Variants in ETV2 observed in about 807,000 individuals in gnomAD.
The protein encoded by ETV2 is ETS translocation variant 2.
A neutral mutation model predicts 35.7 loss-of-function variants in ETV2; 34 were observed. The ratio of observed to expected loss-of-function variants is 0.95; its 90% CI spans 0.72 to 1.27. ETV2 has a LOEUF of 1.27. Among genes scored for constraint, ETV2 ranks in the 50% most tolerant of loss-of-function variants. The pLI is 0.00. For synonymous variants in ETV2, 207 were observed against 203.9 expected (o/e 1.02, Z -0.13); for missense variants, 512 against 470.5 (o/e 1.09, Z -0.82).
In ETV2 at chr19:35,643,083, G is replaced by A; in HGVS notation, c.235+38G>A. 7.0e-7 allele frequency: 1 copy of A among 1,431,370 alleles called. No homozygotes were observed. Among genetic ancestry groups the A allele is most frequent in the South Asian group, 1.2e-5 (1 of 81,190 alleles). The allele number at this position is 1,431,370 out of a possible 1,614,324, so 88.7% of individuals were successfully genotyped here. ...AGAGGCGGTGGGAGGTGGGGACTGGGGTCCCGAGGCACCGGGGCTAGAGGT... is the reference window on the plus strand; with the variant it reads ...AGAGGCGGTGGGAGGTGGGGACTGGAGTCCCGAGGCACCGGGGCTAGAGGT... On this transcript the variant is annotated intron_variant, in intron 4 of 6. Transcript: ENST00000402764. This position sits in a 1 kb window ranked among gnomAD's most constrained non-coding sequence, Gnocchi z 5.0.
chr19:35,644,601 A>G lies in ETV2; in HGVS notation c.829-51A>G. ...GCCCCCAGGCCCGGCCCTCCCCACT[A>G]TCGCCAAGCCCCGCCCCTTCCCACT... is the stretch of plus-strand genomic sequence containing the variant. On this transcript the variant is annotated intron_variant, in intron 6 of 6. Transcript: ENST00000402764. The surrounding 1 kb of genome is among the most constrained non-coding windows in gnomAD (Gnocchi z 4.7). 2 of 1,532,968 alleles carry G rather than the reference A, an allele frequency of 1.3e-6. No homozygotes were observed. The highest frequency in any genetic ancestry group is 1.2e-5 in the South Asian group (1 of 80,978). The allele number at this position is 1,532,968 out of a possible 1,614,324, so 95.0% of individuals were successfully genotyped here.
rs1381281587 is a variant in ETV2, at chr19:35,643,097, G to A, written c.235+52G>A. On this transcript the variant is annotated intron_variant, in intron 4 of 6. Coordinates refer to ENST00000402764, the MANE Select transcript of ETV2 (RefSeq NM_014209.4). This position sits in a 1 kb window ranked among gnomAD's most constrained non-coding sequence, Gnocchi z 5.0. ...GTGGGGACTGGGGTCCCGAGGCACC[G>A]GGGCTAGAGGTGTAGACTCCCTGAT... 7 of 1,391,868 alleles carry A rather than the reference G, an allele frequency of 5.0e-6. No homozygotes were observed. The highest frequency in any genetic ancestry group is 2.5e-5 in the East Asian group (1 of 40,304). The allele number at this position is 1,391,868 out of a possible 1,614,324, so 86.2% of individuals were successfully genotyped here. A position where few individuals can be genotyped will look rare whatever the true frequency, so the allele number is the denominator to read the frequency against.
Position 35,644,836 on chromosome 19 carries a change from G to A in ETV2, c.1013G>A (p.Gly338Glu), listed in dbSNP as rs1351263076. The A allele has an allele frequency of 1.9e-6, 3 of 1,605,168 alleles. No homozygotes were observed. The highest frequency in any genetic ancestry group is 8.5e-7 in the Non-Finnish European group (1 of 1,176,032). The change falls in exon 7 of 7, where the codon GGA becomes GAA. Residue 338 changes from glycine (G) to glutamate (E), a missense_variant. Transcript: ENST00000402764. This position sits in a 1 kb window ranked among gnomAD's most constrained non-coding sequence, Gnocchi z 4.7. ...AYPDCAGGGR[G>E]AETQ Reference sequence around the variant, plus strand: ...CCGGACTGTGCGGGAGGCGGACGGGGAGCAGAGACACAATAAAAATTCCCG... The same window carrying A: ...CCGGACTGTGCGGGAGGCGGACGGGAAGCAGAGACACAATAAAAATTCCCG...
In ETV2 at chr19:35,643,857, G is replaced by A; in HGVS notation, c.715+104G>A. On this transcript the variant is annotated intron_variant, in intron 5 of 6. Transcript: ENST00000402764. This position sits in a 1 kb window ranked among gnomAD's most constrained non-coding sequence, Gnocchi z 5.0. ...CCGGGAGACTGACAGTGAGGGGGCGGGGGCTTAGGGACCAGGGGCTCGAAG... is the reference window on the plus strand; with the variant it reads ...CCGGGAGACTGACAGTGAGGGGGCGAGGGCTTAGGGACCAGGGGCTCGAAG... 2.0e-6 allele frequency: 3 copies of A among 1,515,200 alleles called. No homozygotes were observed. The highest frequency in any genetic ancestry group is 2.7e-6 in the Non-Finnish European group (3 of 1,119,158). 93.9% of individuals were successfully genotyped at this position (1,515,200 alleles called of 1,614,324 possible).
chr19:35,644,366 C>A lies in ETV2; in HGVS notation c.828+19C>A. ...CAAAGAGGTGGGGCAGCTCCCCTGC[C>A]CAGCCAAATCCGCCCCGTCTCTTCT... On this transcript the variant is annotated intron_variant, in intron 6 of 6. Transcript: ENST00000402764. The surrounding 1 kb of genome is among the most constrained non-coding windows in gnomAD (Gnocchi z 4.7). The A allele has an allele frequency of 7.3e-7, 1 of 1,361,556 alleles. No homozygotes were observed. The highest frequency in any genetic ancestry group is 9.7e-7 in the Non-Finnish European group (1 of 1,026,980). 84.3% of individuals were successfully genotyped at this position (1,361,556 alleles called of 1,614,324 possible). A position where few individuals can be genotyped will look rare whatever the true frequency, so the allele number is the denominator to read the frequency against.
In ETV2 at chr19:35,642,541, G is replaced by C; in HGVS notation, c.70+11G>C. The stretch of plus-strand genomic sequence containing the variant: ...AGCTGGCAGGGCTTGGTAGGCTGCC[G>C]AGGCTGCCACAACGTGTGTGGGGAG... On this transcript the variant is annotated intron_variant, in intron 2 of 6. Transcript: ENST00000402764. This position sits in a 1 kb window ranked among gnomAD's most constrained non-coding sequence, Gnocchi z 4.4. The C allele has an allele frequency of 6.2e-7, 1 of 1,612,698 alleles. No homozygotes were observed. The highest frequency in any genetic ancestry group is 8.5e-7 in the Non-Finnish European group (1 of 1,179,660).
In ETV2 at chr19:35,643,574, C is replaced by T; in HGVS notation, c.536C>T (p.Thr179Ile). 2 of 1,580,456 alleles carry T rather than the reference C, an allele frequency of 1.3e-6. No individual in the cohort carries two copies. Among genetic ancestry groups the T allele is most frequent in the Non-Finnish European group, 1.7e-6 (2 of 1,163,806 alleles). ...GGCGGGGAGCCGCGCACGGACTGTA[C>T]CATTTCGTGGGGCGGGCCCGCGGGC... is the stretch of plus-strand genomic sequence containing the variant. ...GLGGEPRTDC[T>I]ISWGGPAGPD... Residue 179 changes from threonine (T) to isoleucine (I), a missense_variant, in exon 5 of 7, where the codon ACC becomes ATC. Physicochemically the swap from Thr to Ile is moderately conservative, Grantham distance 89. Coordinates refer to ENST00000402764, the MANE Select transcript of ETV2 (RefSeq NM_014209.4). The surrounding 1 kb of genome is among the most constrained non-coding windows in gnomAD (Gnocchi z 5.0).
chr19:35,643,532 A>T lies in ETV2; in HGVS notation c.494A>T (p.Tyr165Phe). The change falls in exon 5 of 7, where the codon TAC becomes TTC. Residue 165 changes from tyrosine (Y) to phenylalanine (F), a missense_variant. Tyr to Phe is a conservative substitution (Grantham distance 22). Coordinates refer to ENST00000402764, the MANE Select transcript of ETV2 (RefSeq NM_014209.4). This position sits in a 1 kb window ranked among gnomAD's most constrained non-coding sequence, Gnocchi z 5.0. ...TCTGTGGGGCCCGACGGCGATACCT[A>T]CTGGGGCAGTGGCCTGGGCGGGGAG... ...DCSVGPDGDTYWGSGLGGEPR... is the reference protein window; with the variant it reads ...DCSVGPDGDTFWGSGLGGEPR... 6.4e-7 allele frequency: 1 copy of T among 1,551,568 alleles called. No homozygotes were observed. The highest frequency in any genetic ancestry group is 8.7e-7 in the Non-Finnish European group (1 of 1,147,446).
In ETV2 at chr19:35,644,500, C is replaced by T; in HGVS notation, c.829-152C>T. The T allele has an allele frequency of 2.2e-6, 2 of 919,588 alleles. No individual in the cohort carries two copies. The highest frequency in any genetic ancestry group is 2.6e-5 in the East Asian group (1 of 37,946). The allele number at this position is 919,588 out of a possible 1,614,324, so 57.0% of individuals were successfully genotyped here. On this transcript the variant is annotated intron_variant, in intron 6 of 6. Transcript: ENST00000402764. This position sits in a 1 kb window ranked among gnomAD's most constrained non-coding sequence, Gnocchi z 4.7. ...CCAACCCTTCTCAAACCCAATCTCC[C>T]GCCTGTACTCCTGCCTCAACCAACC...
chr19:35,644,690 C>A lies in ETV2; in HGVS notation c.867C>A (p.Gly289=). ...GGGGCGAGCGCAAGAGAAAGCCGGG[C>A]ATGAATTACGAGAAGCTGAGCCGGG... ...RLWGERKRKP[G]MNYEKLSRGL... The change falls in exon 7 of 7, where the codon GGC becomes GGA. Residue 289 remains glycine, a synonymous_variant. Coordinates refer to ENST00000402764, the MANE Select transcript of ETV2 (RefSeq NM_014209.4). The surrounding 1 kb of genome is among the most constrained non-coding windows in gnomAD (Gnocchi z 4.7). 1 of 1,603,460 alleles carries A rather than the reference C, an allele frequency of 6.2e-7. No individual in the cohort carries two copies. The highest frequency in any genetic ancestry group is 8.5e-7 in the Non-Finnish European group (1 of 1,174,222).
Position 35,643,816 on chromosome 19 carries a change from C to T in ETV2, c.715+63C>T. On this transcript the variant is annotated intron_variant, in intron 5 of 6. Transcript: ENST00000402764. This position sits in a 1 kb window ranked among gnomAD's most constrained non-coding sequence, Gnocchi z 5.0. ...GGAGTCCTGAGCCGGGACCCAGGCA[C>T]CTAAGGGGGCGGGGCCCGGGAGACT... The T allele has an allele frequency of 1.9e-6, 3 of 1,601,132 alleles. No homozygotes were observed. Among genetic ancestry groups the T allele is most frequent in the Non-Finnish European group, 2.5e-6 (3 of 1,176,578 alleles).
In ETV2 at chr19:35,643,550, G is replaced by A. The variant is rs780451345; in HGVS notation, c.512G>A (p.Gly171Asp). The A allele has an allele frequency of 1.1e-5, 17 of 1,556,362 alleles. No homozygotes were observed. The Admixed American group carries it at 3.1e-4, about 29-fold the overall frequency. ...GATACCTACTGGGGCAGTGGCCTGG[G>A]CGGGGAGCCGCGCACGGACTGTACC... ...DGDTYWGSGL[G>D]GEPRTDCTIS... The change falls in exon 5 of 7, where the codon GGC becomes GAC. Residue 171 changes from glycine to aspartate, a missense_variant. Gly to Asp is a moderately conservative substitution (Grantham distance 94). Transcript: ENST00000402764. The surrounding 1 kb of genome is among the most constrained non-coding windows in gnomAD (Gnocchi z 5.0).
In ETV2 at chr19:35,644,382, C is replaced by A; in HGVS notation, c.828+35C>A. The A allele has an allele frequency of 7.5e-7, 1 of 1,340,422 alleles. No homozygotes were observed. Among genetic ancestry groups the A allele is most frequent in the Non-Finnish European group, 1.0e-6 (1 of 956,468 alleles). 83.0% of individuals were successfully genotyped at this position (1,340,422 alleles called of 1,614,324 possible). A position where few individuals can be genotyped will look rare whatever the true frequency, so the allele number is the denominator to read the frequency against. ...CTCCCCTGCCCAGCCAAATCCGCCC[C>A]GTCTCTTCTAGTTCAATTTAGCTCC... On this transcript the variant is annotated intron_variant, in intron 6 of 6. Coordinates refer to ENST00000402764, the MANE Select transcript of ETV2 (RefSeq NM_014209.4). The surrounding 1 kb of genome is among the most constrained non-coding windows in gnomAD (Gnocchi z 4.7).
Position 35,644,843 on chromosome 19 carries a change from G to A in ETV2, c.1020G>A (p.Glu340=). 6.2e-7 allele frequency: 1 copy of A among 1,601,428 alleles called. No homozygotes were observed. The highest frequency in any genetic ancestry group is 8.5e-7 in the Non-Finnish European group (1 of 1,174,182). The change falls in exon 7 of 7, where the codon GAG becomes GAA. Residue 340 remains glutamate, a synonymous_variant. Coordinates refer to ENST00000402764, the MANE Select transcript of ETV2 (RefSeq NM_014209.4). This position sits in a 1 kb window ranked among gnomAD's most constrained non-coding sequence, Gnocchi z 4.7. ...PDCAGGGRGA[E]TQ ...GTGCGGGAGGCGGACGGGGAGCAGA[G>A]ACACAATAAAAATTCCCGGTCAAAC...
chr19:35,642,902 A>C lies in ETV2; in HGVS notation c.155-63A>C. On this transcript the variant is annotated intron_variant, in intron 3 of 6. Transcript: ENST00000402764. The surrounding 1 kb of genome is among the most constrained non-coding windows in gnomAD (Gnocchi z 4.4). ...CCATAACTCCCAGTCCCTGACAAGT[A>C]GAGACTAGAGAGTGGGTAGTTGAGG... 2.8e-6 allele frequency: 3 copies of C among 1,072,722 alleles called. No individual in the cohort carries two copies. The highest frequency in any genetic ancestry group is 4.2e-6 in the Non-Finnish European group (3 of 712,116). The allele number at this position is 1,072,722 out of a possible 1,614,324, so 66.5% of individuals were successfully genotyped here.
rs556476891 is a variant in ETV2, at chr19:35,644,066, C to T, written c.716-169C>T. On this transcript the variant is annotated intron_variant, in intron 5 of 6. Coordinates refer to ENST00000402764, the MANE Select transcript of ETV2 (RefSeq NM_014209.4). This position sits in a 1 kb window ranked among gnomAD's most constrained non-coding sequence, Gnocchi z 4.7. ...AACTCCTAAATCTCTGAGACTGGGGCCCTGGACGCTTGAGTCTCCAAGGCT... is the reference window on the plus strand; with the variant it reads ...AACTCCTAAATCTCTGAGACTGGGGTCCTGGACGCTTGAGTCTCCAAGGCT... 6.6e-6 allele frequency among the ~76,000 whole-genome samples: 1 copy of T among 152,218 alleles called. No homozygotes were observed. The highest frequency in any genetic ancestry group is 2.4e-5 in the African/African-American group (1 of 41,550).
chr19:35,644,112 G>C lies in ETV2; in HGVS notation c.716-123G>C, dbSNP rs1488172749. 5.5e-6 allele frequency: 4 copies of C among 726,996 alleles called. No homozygotes were observed. Among genetic ancestry groups the C allele is most frequent in the Admixed American group, 2.0e-5 (1 of 48,976 alleles). The allele number at this position is 726,996 out of a possible 1,614,324, so 45.0% of individuals were successfully genotyped here. The stretch of plus-strand genomic sequence containing the variant: ...AGGCTGACTGTTGGATCTCAGAGAA[G>C]GGGGGGCGGATCCCCTTCTCGGGTC... On this transcript the variant is annotated intron_variant, in intron 5 of 6. Coordinates refer to ENST00000402764, the MANE Select transcript of ETV2 (RefSeq NM_014209.4). The surrounding 1 kb of genome is among the most constrained non-coding windows in gnomAD (Gnocchi z 4.7).
chr19:35,644,705 G>A lies in ETV2; in HGVS notation c.882G>A (p.Lys294=). ...GAAAGCCGGGCATGAATTACGAGAA[G>A]CTGAGCCGGGGCCTTCGCTACTACT... ...RKRKPGMNYE[K]LSRGLRYYYR... Residue 294 remains lysine (K), a synonymous_variant, in exon 7 of 7, where the codon AAG becomes AAA. Transcript: ENST00000402764. This position sits in a 1 kb window ranked among gnomAD's most constrained non-coding sequence, Gnocchi z 4.7. 1.9e-6 allele frequency: 3 copies of A among 1,603,978 alleles called. No homozygotes were observed. Among genetic ancestry groups the A allele is most frequent in the Non-Finnish European group, 2.6e-6 (3 of 1,174,440 alleles).
chr19:35,642,772 G>A lies in ETV2; in HGVS notation c.154+74G>A. 1 of 1,275,302 alleles carries A rather than the reference G, an allele frequency of 7.8e-7. No individual in the cohort carries two copies. The highest frequency in any genetic ancestry group is 1.1e-6 in the Non-Finnish European group (1 of 902,388). 79.0% of individuals were successfully genotyped at this position (1,275,302 alleles called of 1,614,324 possible). A position where few individuals can be genotyped will look rare whatever the true frequency, so the allele number is the denominator to read the frequency against. ...TGGGATCCTAGGGCAAAGGGAGGAG[G>A]GGGGCGTGCCTAGGTTCCTGGGACT... On this transcript the variant is annotated intron_variant, in intron 3 of 6. Transcript: ENST00000402764. This position sits in a 1 kb window ranked among gnomAD's most constrained non-coding sequence, Gnocchi z 4.4.
Sources: allele counts gnomAD v4.1 joint callset (sites outside exome capture counted in the v4.1 genomes callset), GRCh38; gene constraint gnomAD v4.1.1; non-coding constraint Gnocchi (gnomAD v3.1); transcripts MANE v1.5; gene names NCBI Gene and HGNC (gene_info 2026-07-23, HGNC 2026-07-21).